The following LINC00632 variants were observed in gnomAD, a reference collection of about 807,000 sequenced individuals.
LINC00632 encodes the protein long independently transcribed non-coding RNA 632, also known as ALDOA related specific transcript.
At chrX:140,784,734 C>T (rs1186817960) in exon 5 of LINC00632, 9 of 198,546 alleles carry the variant, frequency 4.5e-5, no homozygotes, top group South Asian at 1.9e-4. Flanking sequence ...CTAGGCTTCC[C>T]CTGTCTGAGC....
intron 3 of LINC00632, among the ~76,000 whole-genome samples, chrX:140,763,118 A>G (rs1026949284): frequency 2.7e-5 from 3 of 112,305 alleles, no homozygotes; most frequent in Non-Finnish European, 5.6e-5. Flanking sequence ...GTAGTAGGCC[A>G]GGCGCGGTGG....
chrX:140,712,271 G>T (rs1370325520), intron 2 of LINC00632: 1 of 107,118 alleles, frequency 9.3e-6, no homozygotes, highest in South Asian at 4.1e-4. Context: ...TCACATTCTT[G>T]TTGCAAATTA....
chrX:140,784,024 T>C (rs1931978282), exon 5 of LINC00632: 2 of 1,209,180 alleles, frequency 1.7e-6, no homozygotes, highest in African/African-American at 3.5e-5. Flanking sequence ...CTTAAATCTA[T>C]AGCTTCCAAA....
exon 5 of LINC00632, among the ~76,000 whole-genome samples, chrX:140,785,183 A>T (rs866942172): frequency 3.9e-5 from 4 of 102,689 alleles, no homozygotes; most frequent in East Asian, 2.9e-4. Flanking sequence ...AATAATAATA[A>T]TATAATAATA....
At chrX:140,718,148 AAG>A (rs774507516) in intron 2 of LINC00632, among the ~76,000 whole-genome samples, 2 of 110,868 alleles carry the variant, frequency 1.8e-5, no homozygotes, top group Non-Finnish European at 3.8e-5. Flanking sequence ...AAGAAAAAAA[AAG>A]AGGAATAAAT....
exon 4 of LINC00632, among the ~76,000 whole-genome samples, chrX:140,773,206 AAGAAG>A (rs200954862): frequency 0.021 from 2,326 of 109,067 alleles, 52 homozygotes; most frequent in African/African-American, 0.07. Flanking sequence ...GAAGAGAAGA[AAGAAG>A]AGAAGAGAAG....
intron 3 of LINC00632, among the ~76,000 whole-genome samples, chrX:140,750,225 A>C (rs1931390110): frequency 9.0e-6 from 1 of 110,931 alleles, no homozygotes; most frequent in African/African-American, 3.3e-5. Flanking sequence ...AGTTGAACTC[A>C]TGGGAGCAGA....
rs1602759272 is a variant in LINC00632 at position 140,784,363 on chromosome X, C to T, written n.12382C>T. On this transcript the variant is annotated non_coding_transcript_exon_variant, in exon 5 of 5. Coordinates refer to ENST00000648200, the Ensembl canonical transcript of LINC00632. ...AGAAAATCCACGTCTTCCAACCAAG[C>T]CATGTCTTCCAGAAAATCCACGTCT... 5 of 1,208,826 alleles carry T rather than the reference C, an allele frequency of 4.1e-6. No individual in the cohort carries two copies. The East Asian group carries it at 1.5e-4, about 36-fold the overall frequency.
chrX:140,788,812 A>ATAT (rs1932059905), exon 5 of LINC00632, among the ~76,000 whole-genome samples: 4 of 84,003 alleles, frequency 4.8e-5, no homozygotes, highest in African/African-American at 2.1e-4. Context: ...ACATATATGT[A>ATAT]TCTATATTCC....
intron 2 of LINC00632, among the ~76,000 whole-genome samples, chrX:140,718,700 C>T (rs545316585): frequency 1.8e-5 from 2 of 111,669 alleles, no homozygotes; most frequent in African/African-American, 3.2e-5. Flanking sequence ...CATGAGCCAC[C>T]GCGCCCAGCC....
intron 3 of LINC00632, among the ~76,000 whole-genome samples, chrX:140,766,151 C>T (rs1444867706): frequency 9.0e-6 from 1 of 111,659 alleles, no homozygotes; most frequent in African/African-American, 3.3e-5. Context: ...GGGGTCACGG[C>T]AGATCCCCTT....
chrX:140,710,193 T>C (rs1312430063), intron 1 of LINC00632, among the ~76,000 whole-genome samples: 2 of 112,537 alleles, frequency 1.8e-5, no homozygotes, highest in Non-Finnish European at 3.7e-5. Context: ...CCTGGTTTAT[T>C]TTCTCAGTGC....
At chrX:140,722,636 CA>C (rs930227985) in intron 2 of LINC00632, among the ~76,000 whole-genome samples, 1 of 111,108 alleles carries the variant, frequency 9.0e-6, no homozygotes, top group African/African-American at 3.3e-5. Flanking sequence ...TGATAGTCCA[CA>C]AAACCAGACA....
chrX:140,737,371 G>A (rs1261966486), intron 3 of LINC00632, among the ~76,000 whole-genome samples: 3 of 111,421 alleles, frequency 2.7e-5, no homozygotes, highest in African/African-American at 9.8e-5. Context: ...TGAGGTACAT[G>A]TGAAATTTTG....
At chrX:140,749,894 G>C (rs778135608) in intron 3 of LINC00632, among the ~76,000 whole-genome samples, 1 of 110,271 alleles carries the variant, frequency 9.1e-6, no homozygotes, top group African/African-American at 3.3e-5. Flanking sequence ...AGGTCTCCCT[G>C]TGTTGCCCAG....
intron 3 of LINC00632, among the ~76,000 whole-genome samples, chrX:140,741,251 C>G (rs1473627802): frequency 1.8e-5 from 2 of 112,137 alleles, no homozygotes; most frequent in African/African-American, 6.5e-5. Context: ...TTGGAGCCTA[C>G]GTGGCAAGCA....
intron 3 of LINC00632, among the ~76,000 whole-genome samples, chrX:140,763,445 C>G: frequency 9.3e-6 from 1 of 108,042 alleles, no homozygotes; most frequent in Non-Finnish European, 1.9e-5. Flanking sequence ...GTGCATTGTT[C>G]TTGGGTTTGT....
At chrX:140,754,512 G>A (rs994650728) in intron 3 of LINC00632, among the ~76,000 whole-genome samples, 2 of 111,147 alleles carry the variant, frequency 1.8e-5, no homozygotes, top group Non-Finnish European at 3.8e-5. Context: ...ACAGGAAATC[G>A]TACCTTGAAT....
At chrX:140,714,364 C>T (rs1389653963) in intron 2 of LINC00632, 1 of 116,054 alleles carries the variant, frequency 8.6e-6, no homozygotes, top group African/African-American at 3.3e-5. Context: ...ACTACAGAGA[C>T]TCTCCCTATA....
Sources: allele counts gnomAD v4.1 joint callset (sites outside exome capture counted in the v4.1 genomes callset), GRCh38; gene constraint gnomAD v4.1.1; transcripts MANE v1.5; gene names NCBI Gene and HGNC (gene_info 2026-07-23, HGNC 2026-07-21).